C1GALT1: variants seen among roughly 807,000 people sequenced by gnomAD.
The protein encoded by C1GALT1 is glycoprotein-N-acetylgalactosamine 3-beta-galactosyltransferase 1.
C1GALT1 carries 11 observed loss-of-function variants against 31.0 expected under a neutral mutation model. The ratio of observed to expected loss-of-function variants is 0.36; its 90% confidence interval spans 0.22 to 0.59. C1GALT1 has a LOEUF of 0.59. Among genes scored for constraint, C1GALT1 ranks in the 20% least tolerant of loss-of-function variants. C1GALT1 has a pLI of 0.79. For synonymous variants in C1GALT1, 175 were observed against 143.6 expected (o/e 1.22, Z -1.56); for missense variants, 424 against 425.2 (o/e 1.00, Z 0.03).
At chr7:7,180,937 G>A (rs1780570261), upstream of C1GALT1, among the ~76,000 whole-genome samples, 1 of 150,328 alleles carries the variant, frequency 6.7e-6, no homozygotes, top group Non-Finnish European at 1.5e-5. Context: ...TATTTTCAAA[G>A]AAAGGCAGGG....
At chr7:7,167,198 G>A (rs1213603452) in intron 2 of C1GALT1, among the ~76,000 whole-genome samples, 1 of 152,108 alleles carries the variant, frequency 6.6e-6, no homozygotes. Context: ...GATCCCTACT[G>A]GCTAAACAGC....
intron 1 of C1GALT1, among the ~76,000 whole-genome samples, chr7:7,194,811 T>C (rs549323369): frequency 2.0e-5 from 3 of 152,248 alleles, no homozygotes; most frequent in Middle Eastern, 3.4e-3. Flanking sequence ...TTCTGGACTT[T>C]TTGTTTGTTG....
chr7:7,231,824 C>A (rs1783088344), intron 1 of C1GALT1, among the ~76,000 whole-genome samples: 1 of 150,588 alleles, frequency 6.6e-6, no homozygotes, highest in Non-Finnish European at 1.5e-5. Flanking sequence ...ATTTGAGGTT[C>A]TTCATGATTT....
At chr7:7,175,370 C>A (rs1780494103) in intron 2 of C1GALT1, among the ~76,000 whole-genome samples, 1 of 152,194 alleles carries the variant, frequency 6.6e-6, no homozygotes, top group Non-Finnish European at 1.5e-5. Context: ...AAGGGATCAG[C>A]CCAAAATGAA....
In C1GALT1 at chr7:7,238,822, A is replaced by G; in HGVS notation, c.788A>G (p.Lys263Arg). 6.2e-7 allele frequency: 1 copy of G among 1,613,920 alleles called. No individual in the cohort carries two copies. The highest frequency in any genetic ancestry group is 1.1e-5 in the South Asian group (1 of 91,076). The change falls in exon 3 of 4, where the codon AAA becomes AGA. Residue 263 changes from lysine to arginine, a missense_variant. Transcript: ENST00000436587. The surrounding 1 kb of genome is among the most constrained non-coding windows in gnomAD (Gnocchi z 5.2). The stretch of plus-strand genomic sequence containing the variant: ...GGAGATTCCAGAGATACCATTGGAA[A>G]AGAAACTTTTCATCCCTTTGTGCCA... Reference protein sequence around the residue: ...EAGDSRDTIGKETFHPFVPEH... With the variant: ...EAGDSRDTIGRETFHPFVPEH...
intron 1 of C1GALT1, among the ~76,000 whole-genome samples, chr7:7,213,506 G>A (rs985040177): frequency 5.3e-5 from 8 of 152,150 alleles, no homozygotes; most frequent in South Asian, 2.1e-4. Context: ...AGATGATTCC[G>A]TCTACCTTTT....
Position 7,247,533 on chromosome 7 carries a change from G to A in C1GALT1, c.*3806G>A, listed in dbSNP as rs557375394. 6 of 152,066 alleles carry A rather than the reference G, an allele frequency of 3.9e-5. No homozygotes were observed. Among genetic ancestry groups the A allele is most frequent in the Admixed American group, 2.6e-4 (4 of 15,284 alleles). The allele number at this position is 152,066 out of a possible 1,614,324, so 9.4% of individuals were successfully genotyped here. A position where few individuals can be genotyped will look rare whatever the true frequency, so the allele number is the denominator to read the frequency against. ...GATTTGAGCAGTAAATTTGCTAACTGGTTATTTTCACAATTTTCTTGAATA... is the reference window on the plus strand; with the variant it reads ...GATTTGAGCAGTAAATTTGCTAACTAGTTATTTTCACAATTTTCTTGAATA... On this transcript the variant is annotated 3_prime_UTR_variant, in exon 4 of 4. Coordinates refer to ENST00000436587, the MANE Select transcript of C1GALT1 (RefSeq NM_020156.5).
intron 1 of C1GALT1, among the ~76,000 whole-genome samples, chr7:7,226,395 G>GA (rs71010954): frequency 0.74 from 111,612 of 151,842 alleles, 41,878 homozygotes; most frequent in East Asian, 0.94. Flanking sequence ...GAATTTCAGG[G>GA]CTTTATTGTG....
chr7:7,195,178 AGTTCT>A (rs1781231578), intron 1 of C1GALT1, among the ~76,000 whole-genome samples: 1 of 151,918 alleles, frequency 6.6e-6, no homozygotes, highest in African/African-American at 2.4e-5. Context: ...AATTTCATTT[AGTTCT>A]GTTCTGATCT....
chr7:7,167,246 G>A (rs1780408383), intron 2 of C1GALT1, among the ~76,000 whole-genome samples: 1 of 152,190 alleles, frequency 6.6e-6, no homozygotes, highest in Non-Finnish European at 1.5e-5. Flanking sequence ...TAAATTGAGA[G>A]CAACAGGTCC....
At chr7:7,224,258 GT>G (rs143788001) in intron 1 of C1GALT1, among the ~76,000 whole-genome samples, 4,470 of 149,198 alleles carry the variant, frequency 0.03, 232 homozygotes, top group African/African-American at 0.11. Context: ...GTAGTCTGTA[GT>G]TTTTTTTGGT....
intron 1 of C1GALT1, 79 bp downstream of exon 1, chr7:7,182,899 G>C (rs982747105): frequency 5.2e-5 from 50 of 954,722 alleles, no homozygotes; most frequent in Non-Finnish European, 5.6e-5. Flanking sequence ...CCGGGTTGGT[G>C]GGGAAGCGTG....
intron 1 of C1GALT1, among the ~76,000 whole-genome samples, chr7:7,233,451 C>T (rs1783184422): frequency 6.6e-6 from 1 of 152,134 alleles, no homozygotes; most frequent in African/African-American, 2.4e-5. Context: ...CATATGCCAC[C>T]ATGCCCAGCT....
At chr7:7,202,578 C>G (rs1781568982) in intron 1 of C1GALT1, among the ~76,000 whole-genome samples, 1 of 152,082 alleles carries the variant, frequency 6.6e-6, no homozygotes, top group Non-Finnish European at 1.5e-5. Flanking sequence ...TTTCATTGTT[C>G]TGTATGTCTG....
chr7:7,173,244 C>T (rs954714411), intron 2 of C1GALT1, among the ~76,000 whole-genome samples: 2 of 151,854 alleles, frequency 1.3e-5, no homozygotes, highest in African/African-American at 4.8e-5. Flanking sequence ...TGTGTGGCAT[C>T]ACCCCTCCAC....
At chr7:7,199,898 T>C (rs1180659453) in intron 1 of C1GALT1, among the ~76,000 whole-genome samples, 3 of 152,192 alleles carry the variant, frequency 2.0e-5, no homozygotes, top group Non-Finnish European at 4.4e-5. Context: ...GCTTGTTAGA[T>C]CTTCCTCCAT....
In C1GALT1 at chr7:7,223,803, T is replaced by A. The variant is rs563743365; in HGVS notation, c.-17-10500T>A. The stretch of plus-strand genomic sequence containing the variant: ...ACTGGCTAGAATTTCCAGTACTATA[T>A]TGAGTAAGAGTGATGAGAGTGGACA... On this transcript the variant is annotated intron_variant, in intron 1 of 3. Coordinates refer to ENST00000436587, the MANE Select transcript of C1GALT1 (RefSeq NM_020156.5). 6.2e-4 allele frequency among the ~76,000 whole-genome samples: 94 copies of A among 151,350 alleles called. 2 individuals are homozygous for A. The South Asian group carries it at 0.012, about 20-fold the overall frequency.
rs1248338495 is a variant in C1GALT1 at position 7,238,719 on chromosome 7, A to G, written c.685A>G (p.Thr229Ala). Reference protein sequence around the residue: ...ALKRFVDAFKTDKCTHSSSIE... With the variant: ...ALKRFVDAFKADKCTHSSSIE... ...GAAAAGATTTGTTGATGCATTTAAA[A>G]CAGACAAGTGTACACATAGTTCCTC... The change falls in exon 3 of 4, where the codon ACA becomes GCA. Residue 229 changes from threonine (T) to alanine (A), a missense_variant. Physicochemically the swap from Thr to Ala is moderately conservative, Grantham distance 58. Around this residue, in one of 3 missense-constraint regions of C1GALT1, gnomAD observed 191 missense variants for 188.8 expected, o/e 1.01. Transcript: ENST00000436587. The surrounding 1 kb of genome is among the most constrained non-coding windows in gnomAD (Gnocchi z 5.2). 5 of 1,613,896 alleles carry G rather than the reference A, an allele frequency of 3.1e-6. No homozygotes were observed. The highest frequency in any genetic ancestry group is 4.2e-6 in the Non-Finnish European group (5 of 1,179,958).
chr7:7,218,847 T>C (rs1324141985), intron 1 of C1GALT1, among the ~76,000 whole-genome samples: 2 of 151,946 alleles, frequency 1.3e-5, no homozygotes, highest in Admixed American at 1.3e-4. Flanking sequence ...TTTTTTTTTT[T>C]TTTTGAGATG....
Sources: gnomAD v4.1 joint callset for allele counts (sites outside exome capture counted in the v4.1 genomes callset) on GRCh38, gnomAD v4.1.1 for gene constraint, gnomAD v4.1.1 regional missense constraint, Gnocchi (gnomAD v3.1) non-coding constraint, MANE v1.5 for transcripts, NCBI Gene and HGNC (gene_info 2026-07-23, HGNC 2026-07-21) for gene names.